The following BCAR1 variants were observed in gnomAD, a reference collection of about 807,000 sequenced individuals.
BCAR1 encodes the protein breast cancer anti-estrogen resistance protein 1.
In BCAR1, 30 loss-of-function variants were observed where a neutral mutation model predicts 67.6. That is an observed-to-expected ratio of 0.44 (90% CI 0.33 to 0.60). The LOEUF (loss-of-function observed/expected upper bound fraction) is 0.60, where lower values mean the gene tolerates loss of function less well. Ranked by LOEUF, BCAR1 falls within the 20% of genes least tolerant of loss-of-function variation. The pLI, the probability that BCAR1 is intolerant of heterozygous loss-of-function variation, is 0.02. For missense variants in BCAR1, 1,313 were observed against 1,222.3 expected (o/e 1.07, Z -1.11); for synonymous variants, 626 against 556.7 (o/e 1.12, Z -1.75).
intron 6 of BCAR1, among the ~76,000 whole-genome samples, chr16:75,231,890 T>C (rs550505090): frequency 6.6e-6 from 1 of 152,334 alleles, no homozygotes; most frequent in African/African-American, 2.4e-5. Flanking sequence ...CAGGAGGTTT[T>C]TTGTTTTTGA....
chr16:75,251,584 G>C lies in BCAR1; in HGVS notation c.-102C>G, dbSNP rs999539390. The C allele has an allele frequency of 3.8e-6, 4 of 1,056,712 alleles. No individual in the cohort carries two copies. The African/African-American group carries it at 6.8e-5, about 18-fold the overall frequency. 65.5% of individuals were successfully genotyped at this position (1,056,712 alleles called of 1,614,324 possible). A position where few individuals can be genotyped will look rare whatever the true frequency, so the allele number is the denominator to read the frequency against. ...CCGAGCGCGCCGCAGCCGCCCCGGT[G>C]CCGCCGCGCAGCTGCCGCCTCGGCC... On this transcript the variant is annotated 5_prime_UTR_variant, in exon 1 of 7. Coordinates refer to ENST00000162330, the MANE Select transcript of BCAR1 (RefSeq NM_014567.5).
intron 1 of BCAR1, chr16:75,264,546 C>G: frequency 1.5e-6 from 2 of 1,377,358 alleles, no homozygotes; most frequent in South Asian, 3.6e-5. Flanking sequence ...ATGCTCTGAA[C>G]CAGAACGGAT....
At chr16:75,267,461 G>C (rs1240414298) in intron 1 of BCAR1, among the ~76,000 whole-genome samples, 1 of 151,638 alleles carries the variant, frequency 6.6e-6, no homozygotes, top group Non-Finnish European at 1.5e-5. Context: ...TGCATGTCTG[G>C]CACGTGGCCC....
intron 1 of BCAR1, chr16:75,264,746 C>A (rs868312512): frequency 5.2e-5 from 49 of 943,310 alleles, no homozygotes; most frequent in Middle Eastern, 7.5e-4. Flanking sequence ...GCCAGAAAGC[C>A]CCCACTGCCT....
intron 5 of BCAR1, among the ~76,000 whole-genome samples, chr16:75,234,222 T>G (rs74250270): frequency 1.3e-5 from 2 of 150,828 alleles, no homozygotes; most frequent in Non-Finnish European, 3.0e-5. Context: ...CTGGCATATG[T>G]GGGACACAGC....
chr16:75,233,273 T>C (rs10221003), intron 6 of BCAR1, among the ~76,000 whole-genome samples: 17,515 of 151,886 alleles, frequency 0.12, 1,286 homozygotes, highest in Middle Eastern at 0.19. Flanking sequence ...CTGGGGAGGC[T>C]GAGGCAGGAG....
chr16:75,245,961 G>GTTTTTTTTTTTTTT (rs1405738465), intron 1 of BCAR1: 5 of 27,002 alleles, frequency 1.9e-4, no homozygotes, highest in Admixed American at 5.7e-4. Context: ...TCATAGGATT[G>GTTTTTTTTTTTTTT]TTCTTTTTTT....
chr16:75,242,424 T>G (rs780552700), intron 2 of BCAR1, 46 bp downstream of exon 2: 23 of 1,360,022 alleles, frequency 1.7e-5, no homozygotes, highest in Non-Finnish European at 2.2e-5. Flanking sequence ...AACCAGGGCC[T>G]GGGCTATACC....
In BCAR1 at chr16:75,243,092, T is replaced by C; in HGVS notation, c.13-2A>G. ...ATAGAGCGCTTTGGCCAGCACGTTC[T>C]GGGGAGAGAGGACACAGGTGTGAGA... is the stretch of plus-strand genomic sequence containing the variant. On this transcript the variant is annotated splice_acceptor_variant, in intron 1 of 6. Coordinates refer to ENST00000162330, the MANE Select transcript of BCAR1 (RefSeq NM_014567.5). LOFTEE classifies it high-confidence loss of function. 1 of 1,580,148 alleles carries C rather than the reference T, an allele frequency of 6.3e-7. No homozygotes were observed. Among genetic ancestry groups the C allele is most frequent in the Non-Finnish European group, 8.6e-7 (1 of 1,159,392 alleles).
At chr16:75,259,968 T>G (rs1597283377) in intron 1 of BCAR1, among the ~76,000 whole-genome samples, 1 of 148,280 alleles carries the variant, frequency 6.7e-6, no homozygotes, top group Non-Finnish European at 1.5e-5. Context: ...CCAAGGCGGG[T>G]GGATCACCTG....
chr16:75,238,271 T>C, intron 2 of BCAR1: 2 of 1,161,322 alleles, frequency 1.7e-6, no homozygotes, highest in South Asian at 1.6e-5. Context: ...GCCTCCCTGG[T>C]GGGATTCTCC....
At chr16:75,237,113 T>A in intron 3 of BCAR1, 70 bp downstream of exon 3, 1 of 1,504,390 alleles carries the variant, frequency 6.6e-7, no homozygotes, top group Non-Finnish European at 8.9e-7. Context: ...GATGCAGCTC[T>A]CGGCCCAGGG....
intron 1 of BCAR1, chr16:75,250,904 G>T (rs955317619): frequency 2.3e-5 from 23 of 985,524 alleles, no homozygotes; most frequent in Non-Finnish European, 2.5e-5. Flanking sequence ...CCCCACTCCC[G>T]CTCCGCTCCC....
Position 75,235,993 on chromosome 16 carries a change from G to T in BCAR1, c.913-7C>A, listed in dbSNP as rs758139274. The T allele has an allele frequency of 1.3e-6, 2 of 1,563,572 alleles. No homozygotes were observed. The highest frequency in any genetic ancestry group is 1.4e-5 in the African/African-American group (1 of 73,980). On this transcript the variant is annotated splice_polypyrimidine_tract_variant and splice_region_variant and intron_variant, in intron 4 of 6. Transcript: ENST00000162330. ...ATGGAGGAACGTCGTAGACCTGGGG[G>T]ACAAGCGGTGGTCAAGACTGTCCAT...
chr16:75,247,912 G>T, intron 1 of BCAR1: 1 of 727,002 alleles, frequency 1.4e-6, no homozygotes, highest in Admixed American at 1.8e-5. Context: ...GGGCAGACAA[G>T]GAAATGGGTA....
In BCAR1 at chr16:75,237,169, C is replaced by A; in HGVS notation, c.795+14G>T. 2 of 1,551,128 alleles carry A rather than the reference C, an allele frequency of 1.3e-6. No homozygotes were observed. The highest frequency in any genetic ancestry group is 2.0e-5 in the Admixed American group (1 of 48,856). On this transcript the variant is annotated intron_variant, in intron 3 of 6. Transcript: ENST00000162330. ...GCCGCCCTGCCCTCCCACCGCTGCG[C>A]ACCCCACACCTACCTCCTGGCCATA...
At position 75,235,123 on chromosome 16, in the gene BCAR1, C is replaced by A. The variant is rs1340910503; in HGVS notation, c.1776G>T (p.Gln592His). The change falls in exon 5 of 7, where the codon CAG becomes CAT. Residue 592 changes from glutamine (Q) to histidine (H), a missense_variant. By Grantham distance (24) the Gln-to-His change is conservative. This residue lies in a region of BCAR1 where 1,272 missense variants were observed against 1,137.5 expected (regional missense o/e 1.12). Transcript: ENST00000162330. Reference protein sequence around the residue: ...CSRAVPEDAKQLASFLHGNAS... With the variant: ...CSRAVPEDAKHLASFLHGNAS... Reference sequence around the variant, plus strand: ...CATTGCCGTGCAGGAAGGAGGCCAGCTGCTTGGCGTCCTCGGGCACAGCCC... The same window carrying A: ...CATTGCCGTGCAGGAAGGAGGCCAGATGCTTGGCGTCCTCGGGCACAGCCC... 6 of 1,610,520 alleles carry A rather than the reference C, an allele frequency of 3.7e-6. No individual in the cohort carries two copies. The highest frequency in any genetic ancestry group is 3.3e-5 in the Admixed American group (2 of 60,008).
intron 1 of BCAR1, chr16:75,266,787 A>C: frequency 6.9e-7 from 1 of 1,439,602 alleles, no homozygotes; most frequent in Non-Finnish European, 9.2e-7. Flanking sequence ...CATCTAGAGC[A>C]AGTGGGGCTG....
At chr16:75,236,196 C>T (rs1276246133) in intron 4 of BCAR1, 5 of 620,638 alleles carry the variant, frequency 8.1e-6, no homozygotes, top group Non-Finnish European at 1.3e-5. Context: ...CTAGCACACA[C>T]ATCCTTCACA....
Sources: allele counts gnomAD v4.1 joint callset (sites outside exome capture counted in the v4.1 genomes callset), GRCh38; gene constraint gnomAD v4.1.1; regional missense constraint gnomAD v4.1.1; transcripts MANE v1.5; gene names NCBI Gene and HGNC (gene_info 2026-07-23, HGNC 2026-07-21).